GALNT7: variants seen among roughly 807,000 people sequenced by gnomAD.
GALNT7 encodes the protein N-acetylgalactosaminyltransferase 7.
A neutral mutation model predicts 82.1 loss-of-function variants in GALNT7; 60 were observed. The ratio of observed to expected loss-of-function variants is 0.73; its 90% CI spans 0.59 to 0.91. GALNT7 has a LOEUF of 0.91. Ranked by LOEUF, GALNT7 falls within the 40% of genes least tolerant of loss-of-function variation. The probability of loss-of-function intolerance (pLI) is 0.00; values close to 1 mark genes in which losing one functional copy is unlikely to be tolerated. For missense variants in GALNT7, 660 were observed against 804.2 expected, an observed-to-expected ratio of 0.82 and a Z score of 2.17; for synonymous variants, 243 against 275.1, an observed-to-expected ratio of 0.88 and a Z score of 1.15.
At chr4:173,279,082 A>G (rs1207126909) in intron 2 of GALNT7, among the ~76,000 whole-genome samples, 2 of 152,212 alleles carry the variant, frequency 1.3e-5, no homozygotes, top group Admixed American at 1.3e-4. Context: ...GTATTAGGCC[A>G]TTCTTGCATT....
intron 8 of GALNT7, among the ~76,000 whole-genome samples, chr4:173,305,624 G>T (rs1195364587): frequency 6.6e-6 from 1 of 152,038 alleles, no homozygotes; most frequent in African/African-American, 2.4e-5. Context: ...TTTGCATATG[G>T]ATATCTAGTT....
chr4:173,320,444 G>A lies in GALNT7; in HGVS notation c.1837-1136G>A, dbSNP rs1371361291. On this transcript the variant is annotated intron_variant, in intron 11 of 11. Coordinates refer to ENST00000265000, the MANE Select transcript of GALNT7 (RefSeq NM_017423.3). This position sits in a 1 kb window ranked among gnomAD's most constrained non-coding sequence, Gnocchi z 4.1. ...TATGTTTACCCACAAAAAATAGTGA[G>A]AAGAATGGAATTCTGTATTTTTGCA... Among the ~76,000 whole-genome samples the A allele has an allele frequency of 6.6e-6, 1 of 152,090 alleles. No homozygotes were observed. Among genetic ancestry groups the A allele is most frequent in the Admixed American group, 6.6e-5 (1 of 15,256 alleles).
intron 2 of GALNT7, among the ~76,000 whole-genome samples, chr4:173,271,291 C>T (rs1209288277): frequency 6.6e-6 from 1 of 152,032 alleles, no homozygotes; most frequent in African/African-American, 2.4e-5. Context: ...ATGTTCCATT[C>T]ACTTGTAGTT....
At chr4:173,225,820 G>A (rs1410490232) in intron 1 of GALNT7, among the ~76,000 whole-genome samples, 1 of 152,170 alleles carries the variant, frequency 6.6e-6, no homozygotes, top group Non-Finnish European at 1.5e-5. Context: ...GATCTCTGGG[G>A]ATCAATACCT....
At chr4:173,298,022 G>T in intron 5 of GALNT7, 93 bp from the exon 6 acceptor site, 1 of 1,544,648 alleles carries the variant, frequency 6.5e-7, no homozygotes, top group Non-Finnish European at 8.7e-7. Flanking sequence ...GTTTATCTAA[G>T]TTCTTTTTTT....
At chr4:173,195,535 C>G (rs975094662) in intron 1 of GALNT7, among the ~76,000 whole-genome samples, 5 of 152,222 alleles carry the variant, frequency 3.3e-5, no homozygotes, top group African/African-American at 1.2e-4. Flanking sequence ...TTAAAAAACA[C>G]TGTACTTCCT....
chr4:173,212,281 T>G (rs1733304780), intron 1 of GALNT7, among the ~76,000 whole-genome samples: 1 of 152,232 alleles, frequency 6.6e-6, no homozygotes, highest in Admixed American at 6.5e-5. Context: ...TCATAGTTCT[T>G]TAATCCGTAT....
rs571176403 is a variant in GALNT7, at chr4:173,222,312, C to A, written c.127-25668C>A. Among the ~76,000 whole-genome samples the A allele has an allele frequency of 2.4e-4, 36 of 152,008 alleles. No individual in the cohort carries two copies. The East Asian group carries it at 6.6e-3, about 28-fold the overall frequency. Reference sequence around the variant, plus strand: ...TTTTGAGATGGAGTCTCGCTCTGACCCCCAGGCTGGAGTGCAATGACGTGA... The same window carrying A: ...TTTTGAGATGGAGTCTCGCTCTGACACCCAGGCTGGAGTGCAATGACGTGA... On this transcript the variant is annotated intron_variant, in intron 1 of 11. Coordinates refer to ENST00000265000, the MANE Select transcript of GALNT7 (RefSeq NM_017423.3).
At chr4:173,172,216 G>A (rs1015598030) in intron 1 of GALNT7, among the ~76,000 whole-genome samples, 3 of 152,162 alleles carry the variant, frequency 2.0e-5, no homozygotes, top group Non-Finnish European at 2.9e-5. Flanking sequence ...CAGGGTTTGC[G>A]TTTCTTCTCC....
chr4:173,233,918 A>C (rs1266369005), intron 1 of GALNT7, among the ~76,000 whole-genome samples: 1 of 152,124 alleles, frequency 6.6e-6, no homozygotes, highest in African/African-American at 2.4e-5. Context: ...AGGCAAATCA[A>C]ATTTTTCAAA....
chr4:173,224,199 T>C (rs1733728108), intron 1 of GALNT7, among the ~76,000 whole-genome samples: 1 of 152,234 alleles, frequency 6.6e-6, no homozygotes, highest in African/African-American at 2.4e-5. Flanking sequence ...CTTTATCAAC[T>C]GTGGGTCGAC....
chr4:173,317,822 C>T (rs1737663876), intron 10 of GALNT7, 90 bp downstream of exon 10: 6 of 782,564 alleles, frequency 7.7e-6, no homozygotes, highest in East Asian at 2.6e-5. Flanking sequence ...CTTTGGTTTT[C>T]GATTTGGTAA....
intron 1 of GALNT7, among the ~76,000 whole-genome samples, chr4:173,235,509 T>C (rs1418101840): frequency 6.6e-6 from 1 of 152,190 alleles, no homozygotes; most frequent in Non-Finnish European, 1.5e-5. Context: ...TTTCAGATCT[T>C]TGCTCAGTGA....
intron 2 of GALNT7, among the ~76,000 whole-genome samples, chr4:173,278,339 A>G (rs6816923): frequency 0.073 from 11,111 of 152,278 alleles, 825 homozygotes; most frequent in African/African-American, 0.19. Context: ...TGATAGTGCA[A>G]TTAGGTGAAA....
Position 173,321,684 on chromosome 4 carries a change from A to G in GALNT7, c.1941A>G (p.Gln647=). 1.2e-6 allele frequency: 2 copies of G among 1,608,462 alleles called. No individual in the cohort carries two copies. The highest frequency in any genetic ancestry group is 2.2e-5 in the East Asian group (1 of 44,808). ...ATTGTGACTCCAGTAAAACGACTCA[A>G]AAATGGGAAATGAATAACATCCATA... ...ISNCDSSKTT[Q]KWEMNNIHSV is the part of the protein sequence containing the mutation. The change falls in exon 12 of 12, where the codon CAA becomes CAG. Residue 647 remains glutamine (Q), a synonymous_variant. Transcript: ENST00000265000.
At chr4:173,217,548 A>G (rs1733510680) in intron 1 of GALNT7, among the ~76,000 whole-genome samples, 1 of 152,232 alleles carries the variant, frequency 6.6e-6, no homozygotes, top group Admixed American at 6.5e-5. Flanking sequence ...TTTCTACGAA[A>G]GAAAACCAAA....
chr4:173,238,617 A>AT (rs1734310257), intron 1 of GALNT7, among the ~76,000 whole-genome samples: 1 of 152,214 alleles, frequency 6.6e-6, no homozygotes, highest in South Asian at 2.1e-4. Context: ...AAAACGATGT[A>AT]TTAACTGTTT....
chr4:173,293,106 C>T (rs73872536), intron 3 of GALNT7, among the ~76,000 whole-genome samples: 1,581 of 152,072 alleles, frequency 0.01, 25 homozygotes, highest in African/African-American at 0.034. Context: ...TTTTCAAAAT[C>T]GCCCAATTTT....
At position 173,248,132 on chromosome 4, in the gene GALNT7, T is replaced by G. The variant is rs779805282; in HGVS notation, c.279T>G (p.Asn93Lys). The part of the protein sequence containing the change: ...ESIRRINKAK[N>K]EQEHHAGGDS... ...TTAGAAGAATAAACAAGGCCAAAAA[T>G]GAACAAGAGCACCATGCTGGAGGAG... Residue 93 changes from asparagine to lysine, a missense_variant, in exon 2 of 12, where the codon AAT becomes AAG. By Grantham distance (94) the Asn-to-Lys change is moderately conservative (BLOSUM62 0). Around this residue, in one of 2 missense-constraint regions of GALNT7, gnomAD observed 133 missense variants for 120.7 expected, o/e 1.10. Transcript: ENST00000265000. 1 of 1,613,848 alleles carries G rather than the reference T, an allele frequency of 6.2e-7. No individual in the cohort carries two copies. The highest frequency in any genetic ancestry group is 1.3e-5 in the African/African-American group (1 of 75,006).
Sources: allele counts gnomAD v4.1 joint callset (sites outside exome capture counted in the v4.1 genomes callset), GRCh38; gene constraint gnomAD v4.1.1; regional missense constraint gnomAD v4.1.1; non-coding constraint Gnocchi (gnomAD v3.1); transcripts MANE v1.5; gene names NCBI Gene and HGNC (gene_info 2026-07-23, HGNC 2026-07-21).